Variants in PCDHA10 observed in about 807,000 individuals in gnomAD.
PCDHA10 encodes the protein protocadherin alpha-10.
Under a neutral mutation model 61.2 loss-of-function variants are expected in PCDHA10, and 45 were observed. The observed-to-expected ratio is 0.74, with a 90% CI of 0.58 to 0.94. PCDHA10 has a LOEUF of 0.94. Among genes scored for constraint, PCDHA10 ranks in the 40% least tolerant of loss-of-function variants. PCDHA10 has a pLI of 0.00. For synonymous variants in PCDHA10, 602 were observed against 548.8 expected, an observed-to-expected ratio of 1.10 and a Z score of -1.35; for missense variants, 1,278 against 1,236.2, an observed-to-expected ratio of 1.03 and a Z score of -0.51.
chr5:140,970,912 T>C (rs1035265875), intron 1 of PCDHA10, among the ~76,000 whole-genome samples: 3 of 152,212 alleles, frequency 2.0e-5, no homozygotes, highest in Non-Finnish European at 2.9e-5. Flanking sequence ...TTTATTCATT[T>C]ATCAGAAGTG....
intron 1 of PCDHA10, chr5:140,927,567 C>A: frequency 6.2e-7 from 1 of 1,614,180 alleles, no homozygotes; most frequent in Non-Finnish European, 8.5e-7. Context: ...TTGTGGTGGA[C>A]ACAAATGACA....
intron 1 of PCDHA10, chr5:140,863,200 GC>G: frequency 1.1e-6 from 1 of 918,418 alleles, no homozygotes. Context: ...GGCGTCGCTG[GC>G]GGAGAGCAGC....
intron 1 of PCDHA10, chr5:140,929,402 A>G: frequency 7.3e-6 from 11 of 1,507,926 alleles, no homozygotes; most frequent in Non-Finnish European, 9.7e-6. Context: ...TTTCTTAGAC[A>G]AGCCTTTCAC....
At chr5:140,975,313 T>C (rs2096662091) in intron 1 of PCDHA10, among the ~76,000 whole-genome samples, 1 of 152,224 alleles carries the variant, frequency 6.6e-6, no homozygotes, top group African/African-American at 2.4e-5. Flanking sequence ...TGTGATTATG[T>C]CAGTCCCATC....
chr5:140,907,563 A>G (rs1554193054), intron 1 of PCDHA10, among the ~76,000 whole-genome samples: 1 of 152,160 alleles, frequency 6.6e-6, no homozygotes, highest in Admixed American at 6.5e-5. Context: ...AATATAATCA[A>G]CTTGCCACCA....
chr5:140,900,566 G>A (rs1554189260), intron 1 of PCDHA10, among the ~76,000 whole-genome samples: 1 of 152,054 alleles, frequency 6.6e-6, no homozygotes, highest in Non-Finnish European at 1.5e-5. Flanking sequence ...CGTGAGCCAC[G>A]GCACCGGCCC....
intron 1 of PCDHA10, 149 bp downstream of exon 1, chr5:140,858,585 T>G: frequency 7.4e-7 from 1 of 1,345,266 alleles, no homozygotes. Flanking sequence ...GTAATATAAT[T>G]TATTCCAGGA....
chr5:140,876,261 A>G (rs2056242888), intron 1 of PCDHA10: 9 of 1,613,942 alleles, frequency 5.6e-6, no homozygotes, highest in Non-Finnish European at 7.6e-6. Context: ...GAGTGATCCA[A>G]CTAAATGCTT....
At chr5:140,880,241 C>T (rs529552139) in intron 1 of PCDHA10, among the ~76,000 whole-genome samples, 12 of 150,302 alleles carry the variant, frequency 8.0e-5, no homozygotes, top group South Asian at 4.2e-4. Flanking sequence ...AGTGTATGTG[C>T]GTGTGTGTAT....
In PCDHA10 at chr5:140,950,226, T is replaced by A. The variant is rs1478539445; in HGVS notation, c.2389-28723T>A. ...TGTTTACCTAGTCATTTACCATTTC[T>A]AGTGCCATTAATTTGTTCCTAAAGA... On this transcript the variant is annotated intron_variant, in intron 1 of 3. Coordinates refer to ENST00000307360, the MANE Select transcript of PCDHA10 (RefSeq NM_018901.4). 5.9e-5 allele frequency among the ~76,000 whole-genome samples: 9 copies of A among 152,018 alleles called. No homozygotes were observed. The East Asian group carries it at 1.7e-3, about 29-fold the overall frequency.
At chr5:140,901,583 T>C (rs530803677) in intron 1 of PCDHA10, among the ~76,000 whole-genome samples, 14 of 152,340 alleles carry the variant, frequency 9.2e-5, no homozygotes, top group African/African-American at 3.4e-4. Context: ...GCCAGTGCCA[T>C]GATGTTTTGG....
Position 140,857,251 on chromosome 5 carries a change from G to T in PCDHA10, c.1203G>T (p.Lys401Asn), listed in dbSNP as rs1554149715. The T allele has an allele frequency of 1.9e-6, 3 of 1,598,606 alleles. No individual in the cohort carries two copies. In the Admixed American group the frequency reaches 5.1e-5, roughly 27 times the overall value. ...CGTTCAAGCTGGTGTCCACCTACAA[G>T]AATTACTACTCATTGGTGCTGGACA... is the stretch of plus-strand genomic sequence containing the variant. ...HVPFKLVSTY[K>N]NYYSLVLDSA... The change falls in exon 1 of 4, where the codon AAG becomes AAT. Residue 401 changes from lysine (K) to asparagine (N), a missense_variant. Physicochemically the swap from Lys to Asn is moderately conservative, Grantham distance 94 (BLOSUM62 0). Coordinates refer to ENST00000307360, the MANE Select transcript of PCDHA10 (RefSeq NM_018901.4).
At chr5:140,974,098 T>C (rs1316262429) in intron 1 of PCDHA10, among the ~76,000 whole-genome samples, 1 of 152,262 alleles carries the variant, frequency 6.6e-6, no homozygotes, top group Non-Finnish European at 1.5e-5. Flanking sequence ...AATCAAAGGT[T>C]AAAAGTATTC....
rs374163229 is a variant in PCDHA10 at position 140,870,784 on chromosome 5, G to C, written c.2388+12348G>C. 16 of 1,613,456 alleles carry C rather than the reference G, an allele frequency of 9.9e-6. No homozygotes were observed. The African/African-American group carries it at 2.0e-4, about 20-fold the overall frequency. On this transcript the variant is annotated intron_variant, in intron 1 of 3. Transcript: ENST00000307360. ...GTTCGTGCTGGACGAGAACGACAAC[G>C]CGCCGGCACTGCTGGCGACTCAGGC...
chr5:140,869,788 T>A (rs782425741), intron 1 of PCDHA10: 1 of 1,612,892 alleles, frequency 6.2e-7, no homozygotes, highest in East Asian at 2.2e-5. Flanking sequence ...CGTTCGGCTG[T>A]TAGTCCAAGT....
chr5:140,996,312 G>A (rs1397001765), intron 3 of PCDHA10, among the ~76,000 whole-genome samples: 2 of 152,186 alleles, frequency 1.3e-5, no homozygotes, highest in African/African-American at 2.4e-5. Flanking sequence ...CAAAGTAAGG[G>A]GGGAGGGTAG....
At chr5:140,916,603 G>A (rs782815026) in intron 1 of PCDHA10, among the ~76,000 whole-genome samples, 4 of 152,152 alleles carry the variant, frequency 2.6e-5, no homozygotes, top group South Asian at 2.1e-4. Flanking sequence ...CCTGGAATGC[G>A]GGCCTCATGA....
rs1554231844 is a variant in PCDHA10, at chr5:140,969,454, A to G, written c.2389-9495A>G. On this transcript the variant is annotated intron_variant, in intron 1 of 3. Coordinates refer to ENST00000307360, the MANE Select transcript of PCDHA10 (RefSeq NM_018901.4). ...AAGAGTTATCTGGTAAACTGAGTAT[A>G]TATAGTATCCACAATTTGATCATAA... 7.9e-6 allele frequency: 12 copies of G among 1,511,706 alleles called. No individual in the cohort carries two copies. The South Asian group carries it at 9.0e-5, about 11-fold the overall frequency. The allele number at this position is 1,511,706 out of a possible 1,614,324, so 93.6% of individuals were successfully genotyped here.
chr5:140,925,402 T>C (rs1379767028), intron 1 of PCDHA10, among the ~76,000 whole-genome samples: 1 of 152,110 alleles, frequency 6.6e-6, no homozygotes, highest in Non-Finnish European at 1.5e-5. Context: ...CTCGCCTCCT[T>C]CTTAGGGAAA....
Sources: gnomAD v4.1 joint callset for allele counts (sites outside exome capture counted in the v4.1 genomes callset) on GRCh38, gnomAD v4.1.1 for gene constraint, MANE v1.5 for transcripts, NCBI Gene and HGNC (gene_info 2026-07-23, HGNC 2026-07-21) for gene names.